The following RIMS1 variants were observed in gnomAD, a reference collection of about 807,000 sequenced individuals.
The protein encoded by RIMS1 is regulating synaptic membrane exocytosis 1.
A neutral mutation model predicts 214.1 loss-of-function variants in RIMS1; 83 were observed. That is an observed-to-expected ratio of 0.39 (90% CI 0.32 to 0.47). The LOEUF is 0.47. Among genes scored for constraint, RIMS1 ranks in the 20% least tolerant of loss-of-function variants. The pLI, the probability that RIMS1 is intolerant of heterozygous loss-of-function variation, is 0.99. For missense variants in RIMS1, 2,050 were observed against 2,161.8 expected (o/e 0.95, Z 1.03); for synonymous variants, 793 against 786.8 (o/e 1.01, Z -0.13).
At chr6:71,992,404 C>CTCTTTCTTTTT (rs1801901882) in intron 2 of RIMS1, among the ~76,000 whole-genome samples, 1 of 110,080 alleles carries the variant, frequency 9.1e-6, no homozygotes, top group Non-Finnish European at 1.8e-5. Flanking sequence ...TTCTCTCTCT[C>CTCTTTCTTTTT]TCTTTCTTTC....
chr6:71,968,977 C>T lies in RIMS1; in HGVS notation c.165-6C>T, dbSNP rs1795152196. Reference sequence around the variant, plus strand: ...AGTGCGTTGTGCTGTCTATCATGCGCCCCAGGTGTGTTGTCAGGGACATGG... The same window carrying T: ...AGTGCGTTGTGCTGTCTATCATGCGTCCCAGGTGTGTTGTCAGGGACATGG... On this transcript the variant is annotated splice_region_variant and splice_polypyrimidine_tract_variant and intron_variant, in intron 1 of 33. Coordinates refer to ENST00000521978, the MANE Select transcript of RIMS1 (RefSeq NM_014989.7). 2 of 1,613,672 alleles carry T rather than the reference C, an allele frequency of 1.2e-6. No homozygotes were observed. The highest frequency in any genetic ancestry group is 1.7e-6 in the Non-Finnish European group (2 of 1,179,570).
chr6:72,135,880 A>C (rs1165789998), intron 4 of RIMS1, among the ~76,000 whole-genome samples: 1 of 152,152 alleles, frequency 6.6e-6, no homozygotes, highest in African/African-American at 2.4e-5. Flanking sequence ...CCATCTGTTT[A>C]GAAGATGGGG....
At chr6:72,243,015 G>A (rs1216746081) in intron 10 of RIMS1, among the ~76,000 whole-genome samples, 1 of 151,446 alleles carries the variant, frequency 6.6e-6, no homozygotes, top group Non-Finnish European at 1.5e-5. Context: ...ATAGCCAGTG[G>A]GATATTTTCT....
At chr6:72,271,287 ATATATAT>A (rs1169443901) in intron 22 of RIMS1, among the ~76,000 whole-genome samples, 3 of 5,744 alleles carry the variant, frequency 5.2e-4, no homozygotes, top group African/African-American at 1.1e-3. Context: ...AAAAAAAAAA[ATATATAT>A]ATATATATAT....
intron 3 of RIMS1, among the ~76,000 whole-genome samples, chr6:72,099,562 T>G (rs1001035379): frequency 1.3e-5 from 2 of 152,182 alleles, no homozygotes; most frequent in African/African-American, 4.8e-5. Context: ...ATTGTGACTA[T>G]CAATATTTTA....
chr6:72,276,002 C>T (rs1591604791), intron 23 of RIMS1, among the ~76,000 whole-genome samples: 1 of 152,296 alleles, frequency 6.6e-6, no homozygotes, highest in Non-Finnish European at 1.5e-5. Context: ...TACTTGAGCC[C>T]AGGAGTTTGA....
At chr6:72,332,819 T>G (rs574093859) in intron 28 of RIMS1, among the ~76,000 whole-genome samples, 1 of 151,944 alleles carries the variant, frequency 6.6e-6, no homozygotes, top group African/African-American at 2.4e-5. Flanking sequence ...CATAAAATAA[T>G]TAACAATAAT....
intron 2 of RIMS1, among the ~76,000 whole-genome samples, chr6:72,089,951 A>G (rs1329379270): frequency 6.9e-6 from 1 of 144,066 alleles, no homozygotes; most frequent in African/African-American, 2.5e-5. Context: ...ATTCTCACTC[A>G]TAGGTGGGAA....
chr6:72,126,176 G>GA (rs397764862), intron 4 of RIMS1, among the ~76,000 whole-genome samples: 4 of 151,284 alleles, frequency 2.6e-5, no homozygotes, highest in Non-Finnish European at 4.4e-5. Context: ...TTGGAGAAAG[G>GA]CACCCTGTTC....
intron 1 of RIMS1, among the ~76,000 whole-genome samples, chr6:71,901,378 A>T (rs1184641311): frequency 6.6e-6 from 1 of 152,188 alleles, no homozygotes; most frequent in African/African-American, 2.4e-5. Flanking sequence ...CATCAGTAGA[A>T]TGAATTTAAA....
intron 1 of RIMS1, among the ~76,000 whole-genome samples, chr6:71,893,870 C>T (rs1210247593): frequency 6.6e-6 from 1 of 152,178 alleles, no homozygotes; most frequent in Non-Finnish European, 1.5e-5. Flanking sequence ...AGGAAGGTGA[C>T]TGTACATGTT....
At chr6:72,055,223 C>A (rs1262343238) in intron 2 of RIMS1, among the ~76,000 whole-genome samples, 3 of 152,080 alleles carry the variant, frequency 2.0e-5, no homozygotes, top group Non-Finnish European at 4.4e-5. Context: ...CTTTTTATTT[C>A]TTTTTAAAAT....
chr6:72,000,129 C>G (rs889926795), intron 2 of RIMS1, among the ~76,000 whole-genome samples: 2 of 152,006 alleles, frequency 1.3e-5, no homozygotes, highest in African/African-American at 4.8e-5. Flanking sequence ...ACAATTTACC[C>G]TATCCTTCTT....
chr6:72,016,286 CA>C (rs1812730753), intron 2 of RIMS1, among the ~76,000 whole-genome samples: 1 of 151,976 alleles, frequency 6.6e-6, no homozygotes, highest in South Asian at 2.1e-4. Context: ...CTTTTGATGT[CA>C]GGGTAGTATT....
chr6:71,986,206 T>TG (rs1299755345), intron 2 of RIMS1, among the ~76,000 whole-genome samples: 6 of 151,854 alleles, frequency 4.0e-5, no homozygotes, highest in Non-Finnish European at 8.8e-5. Context: ...TTTTTTTTTT[T>TG]TTAATGTTTC....
intron 6 of RIMS1, chr6:72,213,010 G>A: frequency 1.3e-6 from 2 of 1,491,734 alleles, no homozygotes; most frequent in Non-Finnish European, 8.9e-7. Context: ...TATAAGCAGA[G>A]TGATGAAGGA....
In RIMS1 at chr6:72,182,823, C is replaced by T; in HGVS notation, c.1352C>T (p.Ala451Val). 6.4e-7 allele frequency: 1 copy of T among 1,550,392 alleles called. No homozygotes were observed. The highest frequency in any genetic ancestry group is 8.7e-7 in the Non-Finnish European group (1 of 1,150,330). Residue 451 changes from alanine to valine, a missense_variant, in exon 6 of 34, where the codon GCG becomes GTG. Coordinates refer to ENST00000521978, the MANE Select transcript of RIMS1 (RefSeq NM_014989.7). The stretch of plus-strand genomic sequence containing the variant: ...CAGCTAACGAACCACAGCCCGCCGG[C>T]GCCCAGACATGGGCCGGTTCCCGCA... The part of the protein sequence containing the change: ...AKQLTNHSPP[A>V]PRHGPVPAEA...
chr6:72,217,383 A>G (rs1011478434), intron 6 of RIMS1: 49 of 678,864 alleles, frequency 7.2e-5, no homozygotes, highest in Non-Finnish European at 1.0e-4. Context: ...TTATATAAAT[A>G]TGTAATTTTA....
At chr6:72,229,355 A>G (rs893134540) in intron 6 of RIMS1, among the ~76,000 whole-genome samples, 2 of 151,894 alleles carry the variant, frequency 1.3e-5, no homozygotes, top group African/African-American at 2.4e-5. Flanking sequence ...TGTGAAAGAT[A>G]ATTTATGTAA....
Sources: gnomAD v4.1 joint callset for allele counts (sites outside exome capture counted in the v4.1 genomes callset) on GRCh38, gnomAD v4.1.1 for gene constraint, MANE v1.5 for transcripts, NCBI Gene and HGNC (gene_info 2026-07-23, HGNC 2026-07-21) for gene names.